The following CACNA2D1 variants were observed in gnomAD, a reference collection of about 807,000 sequenced individuals.
The protein encoded by CACNA2D1 is calcium voltage-gated channel auxiliary subunit alpha2delta 1.
Under a neutral mutation model 171.5 loss-of-function variants are expected in CACNA2D1, and 53 were observed. That is an observed-to-expected ratio of 0.31 (90% CI 0.25 to 0.39). The LOEUF (loss-of-function observed/expected upper bound fraction) is 0.39. Ranked by LOEUF, CACNA2D1 falls within the 10% of genes least tolerant of loss-of-function variation. CACNA2D1 has a pLI of 1.00. For missense variants in CACNA2D1, 903 were observed against 1,299.8 expected (o/e 0.69, Z 4.69); for synonymous variants, 442 against 443.1 (o/e 1.00, Z 0.03).
At chr7:82,410,694 A>G (rs564229706) in intron 1 of CACNA2D1, among the ~76,000 whole-genome samples, 1 of 152,352 alleles carries the variant, frequency 6.6e-6, no homozygotes, top group East Asian at 1.9e-4. Flanking sequence ...AGCTCTAAAA[A>G]TAAAGCGACA....
chr7:82,334,649 A>C (rs1482655981), intron 3 of CACNA2D1, among the ~76,000 whole-genome samples: 1 of 152,194 alleles, frequency 6.6e-6, no homozygotes, highest in East Asian at 1.9e-4. Flanking sequence ...TGTTTAGCAA[A>C]GCATTTTTGT....
intron 38 of CACNA2D1, among the ~76,000 whole-genome samples, chr7:81,958,645 C>T (rs994533488): frequency 6.6e-6 from 1 of 151,620 alleles, no homozygotes; most frequent in African/African-American, 2.4e-5. Context: ...AAGTAGTAAG[C>T]CATCTTTAAG....
chr7:82,115,943 T>A (rs982509770), intron 6 of CACNA2D1, among the ~76,000 whole-genome samples: 1 of 152,118 alleles, frequency 6.6e-6, no homozygotes, highest in African/African-American at 2.4e-5. Context: ...ATTTTACAGA[T>A]GAGAAAATGC....
At chr7:82,130,366 T>C (rs1332795118) in intron 5 of CACNA2D1, among the ~76,000 whole-genome samples, 1 of 152,052 alleles carries the variant, frequency 6.6e-6, no homozygotes, top group Non-Finnish European at 1.5e-5. Context: ...CTGCACGGTA[T>C]TAAACATCAA....
rs990892434 is a variant in CACNA2D1, at chr7:82,321,398, C to T, written c.294+13737G>A. On this transcript the variant is annotated intron_variant, in intron 3 of 38. Transcript: ENST00000356860. ...TGGGTGACAGAGCAAGATTCTGTCTCGAAAAAGAAATAAAATAATAAAATA... is the reference window on the plus strand; with the variant it reads ...TGGGTGACAGAGCAAGATTCTGTCTTGAAAAAGAAATAAAATAATAAAATA... 3.3e-5 allele frequency among the ~76,000 whole-genome samples: 5 copies of T among 151,520 alleles called. No homozygotes were observed. In the South Asian group the frequency reaches 8.4e-4, roughly 25 times the overall value.
intron 5 of CACNA2D1, among the ~76,000 whole-genome samples, chr7:82,135,588 G>A (rs1199198465): frequency 6.6e-6 from 1 of 152,098 alleles, no homozygotes; most frequent in Non-Finnish European, 1.5e-5. Context: ...GTGTAAAGTG[G>A]TTAGTAGTAT....
chr7:82,033,051 G>T (rs1004901459), intron 11 of CACNA2D1, 150 bp from the exon 12 acceptor site: 44 of 585,600 alleles, frequency 7.5e-5, no homozygotes, highest in African/African-American at 7.1e-4. Flanking sequence ...TCCTGGATCA[G>T]TTCAGGCCCA....
intron 32 of CACNA2D1, among the ~76,000 whole-genome samples, chr7:81,965,119 T>C (rs1794583436): frequency 6.6e-6 from 1 of 151,842 alleles, no homozygotes; most frequent in Non-Finnish European, 1.5e-5. Flanking sequence ...AGGGTTGAGA[T>C]ATTTTTGCTT....
At chr7:82,176,601 T>C (rs962709008) in intron 3 of CACNA2D1, among the ~76,000 whole-genome samples, 13 of 151,848 alleles carry the variant, frequency 8.6e-5, no homozygotes, top group African/African-American at 3.1e-4. Context: ...AGTTATAAAA[T>C]GTAAACAGAC....
chr7:82,286,333 C>T (rs1003774469), intron 3 of CACNA2D1, among the ~76,000 whole-genome samples: 2 of 152,086 alleles, frequency 1.3e-5, no homozygotes, highest in Admixed American at 6.6e-5. Flanking sequence ...CTCATACTCG[C>T]TATTTTTCTT....
chr7:81,955,815 GTTGAGTCCATGGTGATATATAAT>G (rs1352117958), intron 38 of CACNA2D1, among the ~76,000 whole-genome samples: 3 of 142,336 alleles, frequency 2.1e-5, no homozygotes, highest in African/African-American at 7.8e-5. Flanking sequence ...AAATATCCTA[GTTGAGTCCATGGTGATATATAAT>G]TATTGCCATG....
intron 8 of CACNA2D1, 132 bp downstream of exon 8, chr7:82,066,319 TTTAC>T (rs1562991991): frequency 8.4e-7 from 1 of 1,189,920 alleles, no homozygotes. Flanking sequence ...TTTACCTATA[TTTAC>T]TTATTTTTAA....
At chr7:82,333,132 T>C (rs1817582874) in intron 3 of CACNA2D1, among the ~76,000 whole-genome samples, 1 of 152,232 alleles carries the variant, frequency 6.6e-6, no homozygotes, top group Non-Finnish European at 1.5e-5. Context: ...TAAGAGATAC[T>C]ATTTATAAAT....
intron 3 of CACNA2D1, among the ~76,000 whole-genome samples, chr7:82,281,682 G>T (rs1392844172): frequency 1.3e-5 from 2 of 152,122 alleles, no homozygotes; most frequent in Non-Finnish European, 1.5e-5. Flanking sequence ...AGCGGGATAT[G>T]ATAAAGATGC....
At chr7:82,007,840 T>G in intron 15 of CACNA2D1, 84 bp from the exon 16 acceptor site, 1 of 776,664 alleles carries the variant, frequency 1.3e-6, no homozygotes, top group South Asian at 1.5e-5. Context: ...ATATCTGAGA[T>G]TGCATTTTAT....
intron 3 of CACNA2D1, among the ~76,000 whole-genome samples, chr7:82,232,861 C>CAAAAAAAAAAAAA (rs71093370): frequency 1.9e-4 from 10 of 52,452 alleles, no homozygotes; most frequent in African/African-American, 6.6e-4. Flanking sequence ...GAGATGTCTC[C>CAAAAAAAAAAAAA]AAAAAAAAAA....
intron 12 of CACNA2D1, chr7:82,027,740 C>G (rs1449405372): frequency 6.6e-6 from 1 of 151,690 alleles, no homozygotes; most frequent in Non-Finnish European, 1.5e-5. Context: ...GTCTCTGTCA[C>G]AGTTTAGTAA....
chr7:82,382,029 A>G (rs1823767697), intron 1 of CACNA2D1, among the ~76,000 whole-genome samples: 2 of 152,322 alleles, frequency 1.3e-5, no homozygotes, highest in South Asian at 4.1e-4. Context: ...GACTATTAAG[A>G]AAAAAACATA....
intron 3 of CACNA2D1, among the ~76,000 whole-genome samples, chr7:82,325,647 T>C (rs1816556997): frequency 6.6e-6 from 1 of 152,154 alleles, no homozygotes; most frequent in African/African-American, 2.4e-5. Flanking sequence ...TCTCTCACTC[T>C]ATGTAAGATT....
Sources: gnomAD v4.1 joint callset for allele counts (sites outside exome capture counted in the v4.1 genomes callset) on GRCh38, gnomAD v4.1.1 for gene constraint, MANE v1.5 for transcripts, NCBI Gene and HGNC (gene_info 2026-07-23, HGNC 2026-07-21) for gene names.